AKAP7: variants seen among roughly 807,000 people sequenced by gnomAD.
AKAP7 encodes A-kinase anchoring protein 7.
Under a neutral mutation model 39.5 loss-of-function variants are expected in AKAP7, and 39 were observed. The observed-to-expected ratio is 0.99, with a 90% CI of 0.76 to 1.29. The LOEUF (loss-of-function observed/expected upper bound fraction) is 1.29, where lower values mean the gene tolerates loss of function less well. Among genes scored for constraint, AKAP7 ranks in the 50% most tolerant of loss-of-function variants. The probability of loss-of-function intolerance (pLI) is 0.00; values close to 1 mark genes in which losing one functional copy is unlikely to be tolerated. For synonymous variants in AKAP7, 140 were observed against 139.1 expected, an observed-to-expected ratio of 1.01 and a Z score of -0.05; for missense variants, 414 against 407.7, an observed-to-expected ratio of 1.02 and a Z score of -0.13.
At chr6:131,135,803 G>T in intron 1 of AKAP7, 21 bp downstream of exon 1, 1 of 1,227,244 alleles carries the variant, frequency 8.1e-7, no homozygotes, top group Non-Finnish European at 1.0e-6. Context: ...GCTGTCCAGC[G>T]GGCCGGGGCG....
chr6:131,265,156 A>G (rs1387336580), intron 7 of AKAP7, among the ~76,000 whole-genome samples: 2 of 151,800 alleles, frequency 1.3e-5, no homozygotes, highest in South Asian at 2.1e-4. Flanking sequence ...TTTTTTTGAG[A>G]CAGAGTCTTG....
At chr6:131,144,049 C>A (rs1801280087) in intron 1 of AKAP7, among the ~76,000 whole-genome samples, 1 of 137,368 alleles carries the variant, frequency 7.3e-6, no homozygotes, top group Non-Finnish European at 1.5e-5. Context: ...GTGGACACAG[C>A]ACATGTTTCA....
chr6:131,153,172 A>G (rs1209122826), intron 2 of AKAP7, among the ~76,000 whole-genome samples: 1 of 151,722 alleles, frequency 6.6e-6, no homozygotes, highest in Non-Finnish European at 1.5e-5. Flanking sequence ...CTCAATGTGT[A>G]TCAAGTGTAT....
chr6:131,135,812 CG>C lies in AKAP7; in HGVS notation c.19+35del, dbSNP rs539087422. 698 of 1,226,920 alleles carry C rather than the reference CG, an allele frequency of 5.7e-4. 1 individual carries two copies. Among genetic ancestry groups the C allele is most frequent in the African/African-American group, 4.8e-3 (307 of 64,238 alleles). 76.0% of individuals were successfully genotyped at this position (1,226,920 alleles called of 1,614,324 possible). ...GACCGGGCTGTCCAGCGGGCCGGGGCGGGGGCGACAGGAGCCGCGGGGGCCT... is the reference window on the plus strand; with the variant it reads ...GACCGGGCTGTCCAGCGGGCCGGGGCGGGGCGACAGGAGCCGCGGGGGCCT... On this transcript the variant is annotated intron_variant, in intron 1 of 7. Transcript: ENST00000431975.
In AKAP7 at chr6:131,207,491, A is replaced by ATATTTTTTTTTTTTTTTTTTTTTTTTT. The variant is rs1554211848; in HGVS notation, c.702+7919_702+7920insATTTTTTTTTTTTTTTTTTTTTTTTTT. 2.5e-5 allele frequency among the ~76,000 whole-genome samples: 2 copies of ATATTTTTTTTTTTTTTTTTTTTTTTTT among 78,806 alleles called. 1 individual carries two copies. Among genetic ancestry groups the ATATTTTTTTTTTTTTTTTTTTTTTTTT allele is most frequent in the African/African-American group, 9.9e-5 (2 of 20,130 alleles). 51.7% of individuals were successfully genotyped at this position (78,806 alleles called of 152,430 possible). ...TGCACACCATGCCTGGCTAATTAAA[A>ATATTTTTTTTTTTTTTTTTTTTTTTTT]TTTTTTTTTTTTTTTTTTTTTTTTT... On this transcript the variant is annotated intron_variant, in intron 6 of 7. Transcript: ENST00000431975.
chr6:131,191,899 CAAGT>C (rs1806447380), intron 5 of AKAP7, among the ~76,000 whole-genome samples: 1 of 151,356 alleles, frequency 6.6e-6, no homozygotes, highest in Non-Finnish European at 1.5e-5. Flanking sequence ...CTTAGCCTCC[CAAGT>C]AGCTGGGGCT....
intron 3 of AKAP7, among the ~76,000 whole-genome samples, chr6:131,163,469 A>G (rs940747975): frequency 5.3e-5 from 8 of 152,258 alleles, no homozygotes; most frequent in African/African-American, 1.9e-4. Context: ...CCAAGTTCCA[A>G]TTAAGTGACC....
chr6:131,159,963 T>C, intron 2 of AKAP7, 96 bp from the exon 3 acceptor site: 1 of 1,129,102 alleles, frequency 8.9e-7, no homozygotes, highest in Admixed American at 3.1e-5. Context: ...ATGACACTGA[T>C]GAATGATTGC....
chr6:131,250,433 G>T, intron 7 of AKAP7: 1 of 1,490,402 alleles, frequency 6.7e-7, no homozygotes, highest in Non-Finnish European at 9.0e-7. Context: ...CGTGTGCATT[G>T]GCTCTTCAAG....
At chr6:131,179,296 C>T (rs1804884917) in intron 5 of AKAP7, among the ~76,000 whole-genome samples, 1 of 152,080 alleles carries the variant, frequency 6.6e-6, no homozygotes, top group Non-Finnish European at 1.5e-5. Flanking sequence ...GTCTCAGCCT[C>T]CCGAGTAGCT....
intron 5 of AKAP7, 75 bp from the exon 6 acceptor site, chr6:131,199,386 G>A: frequency 1.0e-6 from 1 of 961,884 alleles, no homozygotes; most frequent in South Asian, 1.5e-5. Flanking sequence ...TGTTTGAACT[G>A]GTATTTTTTT....
the AKAP7 span, among the ~76,000 whole-genome samples, chr6:131,125,681 T>C: frequency 6.6e-6 from 1 of 152,286 alleles, no homozygotes; most frequent in East Asian, 1.9e-4. Flanking sequence ...CTTAAATATA[T>C]GGAACCCTTT....
chr6:131,127,906 T>C, the AKAP7 span, among the ~76,000 whole-genome samples: 6 of 152,202 alleles, frequency 3.9e-5, no homozygotes, highest in South Asian at 6.2e-4. Context: ...GCCATTATCC[T>C]TAGCAAACTA....
At chr6:131,199,730 C>T (rs1237131739) in intron 6 of AKAP7, among the ~76,000 whole-genome samples, 157 bp downstream of exon 6, 4 of 152,170 alleles carry the variant, frequency 2.6e-5, no homozygotes, top group African/African-American at 9.7e-5. Flanking sequence ...GCTGAGGATG[C>T]TCCTGGCCTT....
chr6:131,181,772 C>T (rs1234252932), intron 5 of AKAP7, among the ~76,000 whole-genome samples: 1 of 152,138 alleles, frequency 6.6e-6, no homozygotes, highest in Non-Finnish European at 1.5e-5. Context: ...ACGCTGCTGC[C>T]ATCCCATGGA....
At chr6:131,138,102 TC>T (rs1265992423) in intron 1 of AKAP7, among the ~76,000 whole-genome samples, 4 of 152,110 alleles carry the variant, frequency 2.6e-5, no homozygotes, top group Non-Finnish European at 5.9e-5. Context: ...CCATCCATGT[TC>T]CCCCCACCCG....
At chr6:131,135,865 G>A in intron 1 of AKAP7, 83 bp downstream of exon 1, 6 of 1,212,038 alleles carry the variant, frequency 5.0e-6, no homozygotes, top group Non-Finnish European at 6.2e-6. Context: ...CGAACTTTGG[G>A]AGGGCCTGAC....
intron 5 of AKAP7, among the ~76,000 whole-genome samples, chr6:131,190,112 T>A (rs1275918274): frequency 6.6e-6 from 1 of 152,158 alleles, no homozygotes; most frequent in African/African-American, 2.4e-5. Context: ...TATACTACTG[T>A]TAGGAATATA....
Position 131,244,323 on chromosome 6 carries a change from G to A in AKAP7, c.850+24515G>A, listed in dbSNP as rs9492879. Among the ~76,000 whole-genome samples, 1,252 of 152,238 alleles carry A rather than the reference G, an allele frequency of 8.2e-3. 13 individuals are homozygous for A. Among genetic ancestry groups the A allele is most frequent in the African/African-American group, 0.026 (1,096 of 41,536 alleles). ...TCTCTCACCTACTCTGGTGGCACCC[G>A]TTGACACAAGAGTTAACTTTACCGC... On this transcript the variant is annotated intron_variant, in intron 7 of 7. Transcript: ENST00000431975.
Sources: allele counts gnomAD v4.1 joint callset (sites outside exome capture counted in the v4.1 genomes callset), GRCh38; gene constraint gnomAD v4.1.1; transcripts MANE v1.5; gene names NCBI Gene and HGNC (gene_info 2026-07-23, HGNC 2026-07-21).